TASP1: variants seen among roughly 807,000 people sequenced by gnomAD.
TASP1 encodes the protein taspase 1.
TASP1 carries 16 observed loss-of-function variants against 56.6 expected under a neutral mutation model. The observed-to-expected ratio is 0.28, with a 90% CI of 0.19 to 0.43. TASP1 has a LOEUF of 0.43. TASP1 is among the 20% of genes least tolerant of loss of function. The probability of loss-of-function intolerance (pLI) is 1.00; values close to 1 mark genes in which losing one functional copy is unlikely to be tolerated. For missense variants in TASP1, 393 were observed against 511.6 expected (o/e 0.77, Z 2.24); for synonymous variants, 179 against 184.2 (o/e 0.97, Z 0.23).
At chr20:13,408,375 C>T (rs1312533879) in intron 13 of TASP1, among the ~76,000 whole-genome samples, 5 of 152,070 alleles carry the variant, frequency 3.3e-5, no homozygotes, top group African/African-American at 4.8e-5. Context: ...TGTCCACGGG[C>T]AATAATACTG....
intron 6 of TASP1, 111 bp downstream of exon 6, chr20:13,580,786 G>T: frequency 2.0e-6 from 2 of 1,007,792 alleles, no homozygotes; most frequent in Non-Finnish European, 3.0e-6. Flanking sequence ...ACGGAACAAA[G>T]TTTGTCTTCT....
the TASP1 span, among the ~76,000 whole-genome samples, chr20:13,173,103 G>A: frequency 6.6e-6 from 1 of 152,136 alleles, no homozygotes; most frequent in Non-Finnish European, 1.5e-5. Context: ...ATGGAAGAGG[G>A]CTCCCTTTAC....
chr20:13,468,435 G>C (rs2044347744), intron 11 of TASP1, among the ~76,000 whole-genome samples: 1 of 152,054 alleles, frequency 6.6e-6, no homozygotes, highest in Non-Finnish European at 1.5e-5. Flanking sequence ...AAGAATGTGT[G>C]GTTTTCACAG....
intron 4 of TASP1, among the ~76,000 whole-genome samples, chr20:13,594,836 G>A (rs2147308422): frequency 6.6e-6 from 1 of 152,272 alleles, no homozygotes; most frequent in South Asian, 2.1e-4. Context: ...CCCCAACCTA[G>A]CAAGGCAGGC....
chr20:13,269,893 G>A, the TASP1 span, among the ~76,000 whole-genome samples: 1 of 152,048 alleles, frequency 6.6e-6, no homozygotes, highest in African/African-American at 2.4e-5. Context: ...TGCCTAGAAT[G>A]GTTGGCATTT....
At chr20:13,417,560 A>C in intron 12 of TASP1, 39 bp from the exon 13 acceptor site, 7 of 1,605,326 alleles carry the variant, frequency 4.4e-6, no homozygotes, top group South Asian at 1.1e-5. Context: ...CATTCAGATC[A>C]CAGATGGAAA....
At chr20:13,117,760 T>A in the TASP1 span, 2 of 1,565,428 alleles carry the variant, frequency 1.3e-6, no homozygotes. Context: ...GTTTAAAACC[T>A]GAGCGCCCTG....
chr20:13,410,576 T>C (rs1403923902), intron 13 of TASP1, among the ~76,000 whole-genome samples: 1 of 152,208 alleles, frequency 6.6e-6, no homozygotes, highest in Non-Finnish European at 1.5e-5. Context: ...TCCCTGATGA[T>C]TACTGACGTT....
At chr20:13,490,142 G>A (rs2043470708) in intron 10 of TASP1, among the ~76,000 whole-genome samples, 1 of 152,090 alleles carries the variant, frequency 6.6e-6, no homozygotes, top group South Asian at 2.1e-4. Context: ...ACACGAAAAA[G>A]ATCATTTGAT....
chr20:13,439,874 C>T (rs2146223265), intron 11 of TASP1, among the ~76,000 whole-genome samples: 1 of 151,938 alleles, frequency 6.6e-6, no homozygotes, highest in South Asian at 2.1e-4. Flanking sequence ...AGTAAAATTT[C>T]AAAGAAATAA....
chr20:13,565,344 A>G (rs756533792), intron 7 of TASP1, among the ~76,000 whole-genome samples: 2 of 152,124 alleles, frequency 1.3e-5, no homozygotes, highest in Non-Finnish European at 2.9e-5. Context: ...CAGACAATAA[A>G]AGAAAAAAAT....
the TASP1 span, among the ~76,000 whole-genome samples, chr20:13,199,985 G>A: frequency 0.47 from 71,551 of 152,070 alleles, 19,114 homozygotes; most frequent in African/African-American, 0.74. Context: ...AATCATTTCA[G>A]ATGAAAGTTT....
chr20:13,504,035 C>A (rs1382182593), intron 10 of TASP1, among the ~76,000 whole-genome samples: 1 of 151,716 alleles, frequency 6.6e-6, no homozygotes, highest in Admixed American at 6.6e-5. Flanking sequence ...AGACACATAG[C>A]TTTTTTTTAA....
chr20:13,310,931 C>T, the TASP1 span, among the ~76,000 whole-genome samples: 2 of 152,212 alleles, frequency 1.3e-5, no homozygotes, highest in African/African-American at 2.4e-5. Context: ...CGGTGGCTCA[C>T]GCCTGTAATC....
the TASP1 span, among the ~76,000 whole-genome samples, chr20:13,258,175 T>C: frequency 6.6e-6 from 1 of 152,154 alleles, no homozygotes; most frequent in Non-Finnish European, 1.5e-5. Context: ...CTCCATCCTA[T>C]TTATTTCTTG....
At chr20:13,221,213 C>CCTCCTA in the TASP1 span, among the ~76,000 whole-genome samples, 148 of 84,248 alleles carry the variant, frequency 1.8e-3, no homozygotes, top group Middle Eastern at 7.9e-3. Flanking sequence ...CAGCTGAAGC[C>CCTCCTA]CTCCTACTCC....
the TASP1 span, among the ~76,000 whole-genome samples, chr20:13,194,565 G>T: frequency 6.7e-6 from 1 of 150,216 alleles, no homozygotes; most frequent in African/African-American, 2.5e-5. Context: ...GTGTGTGTGT[G>T]TGTGTGTGTG....
the TASP1 span, among the ~76,000 whole-genome samples, chr20:13,367,648 A>G: frequency 6.6e-6 from 1 of 152,208 alleles, no homozygotes; most frequent in Admixed American, 6.5e-5. Context: ...AATGAGTTAG[A>G]TCTAATCTAA....
chr20:13,612,895 G>C (rs2048396782), intron 4 of TASP1, among the ~76,000 whole-genome samples: 1 of 152,096 alleles, frequency 6.6e-6, no homozygotes, highest in Non-Finnish European at 1.5e-5. Flanking sequence ...CTACATCCAG[G>C]ACTTGCCCCT....
Sources: gnomAD v4.1 joint callset for allele counts (sites outside exome capture counted in the v4.1 genomes callset) on GRCh38, gnomAD v4.1.1 for gene constraint, MANE v1.5 for transcripts, NCBI Gene and HGNC (gene_info 2026-07-23, HGNC 2026-07-21) for gene names.